The following TMEM209 variants were observed in gnomAD, a reference collection of about 807,000 sequenced individuals.
The protein encoded by TMEM209 is transmembrane protein 209, also known as testicular tissue protein Li 202.
TMEM209 carries 65 observed loss-of-function variants against 76.2 expected under a neutral mutation model. That is an observed-to-expected ratio of 0.85 (90% CI 0.70 to 1.05). TMEM209 has a LOEUF of 1.05. Among genes scored for constraint, TMEM209 ranks in the 50% least tolerant of loss-of-function variants. The pLI, the probability that TMEM209 is intolerant of heterozygous loss-of-function variation, is 0.00. For synonymous variants in TMEM209, 239 were observed against 237.6 expected (o/e 1.01, Z -0.06); for missense variants, 623 against 685.5 (o/e 0.91, Z 1.02).
intron 9 of TMEM209, 119 bp downstream of exon 9, chr7:130,181,504 A>C (rs761817923): frequency 2.1e-5 from 16 of 746,128 alleles, no homozygotes; most frequent in Middle Eastern, 4.7e-4. Context: ...ACTAGATTAT[A>C]GACATTTGGG....
chr7:130,179,235 G>A (rs1173425266), intron 9 of TMEM209, among the ~76,000 whole-genome samples: 1 of 152,036 alleles, frequency 6.6e-6, no homozygotes, highest in Non-Finnish European at 1.5e-5. Flanking sequence ...ACTCAATGTC[G>A]AAGGAATAAA....
chr7:130,168,406 A>AAAATC (rs1159115489), intron 14 of TMEM209, among the ~76,000 whole-genome samples: 1 of 152,182 alleles, frequency 6.6e-6, no homozygotes, highest in African/African-American at 2.4e-5. Flanking sequence ...AAAATCGGAG[A>AAAATC]AAATCAAATC....
Position 130,203,878 on chromosome 7 carries a change from AC to A in TMEM209, c.141-33del, listed in dbSNP as rs762221252. ...AAAAATTAGAAAGGCTTTCCAGTGA[AC>A]CTAAAAACACCAAAAATCAAAAACA... On this transcript the variant is annotated intron_variant, in intron 2 of 14. Coordinates refer to ENST00000397622, the MANE Select transcript of TMEM209 (RefSeq NM_032842.4). The A allele has an allele frequency of 4.4e-6, 7 of 1,589,546 alleles. No individual in the cohort carries two copies. The Admixed American group carries it at 1.3e-4, about 29-fold the overall frequency.
chr7:130,182,615 G>A (rs1366589007), intron 8 of TMEM209, among the ~76,000 whole-genome samples: 1 of 152,148 alleles, frequency 6.6e-6, no homozygotes, highest in African/African-American at 2.4e-5. Flanking sequence ...AACTAATGCT[G>A]GGATGTGAAA....
intron 5 of TMEM209, among the ~76,000 whole-genome samples, chr7:130,196,061 T>C (rs1344103840): frequency 6.6e-6 from 1 of 152,182 alleles, no homozygotes; most frequent in Non-Finnish European, 1.5e-5. Flanking sequence ...TAGAATTAGC[T>C]GTTCATACCC....
chr7:130,171,136 A>G (rs115672690), intron 13 of TMEM209, among the ~76,000 whole-genome samples: 1,686 of 152,262 alleles, frequency 0.011, 41 homozygotes, highest in African/African-American at 0.039. Flanking sequence ...AGCTATTCTG[A>G]GGTTGGTGCC....
At chr7:130,201,808 A>G in intron 5 of TMEM209, 42 bp downstream of exon 5, 1 of 1,609,570 alleles carries the variant, frequency 6.2e-7, no homozygotes, top group Non-Finnish European at 8.5e-7. Flanking sequence ...ATACCTCTCA[A>G]TTCTAAAATA....
intron 7 of TMEM209, 92 bp from the exon 8 acceptor site, chr7:130,184,347 G>A (rs1797522371): frequency 2.0e-6 from 2 of 976,590 alleles, no homozygotes; most frequent in African/African-American, 1.7e-5. Context: ...AATATTTAAT[G>A]AACTTTGAAA....
chr7:130,192,580 A>C, intron 6 of TMEM209, 42 bp downstream of exon 6: 1 of 1,552,916 alleles, frequency 6.4e-7, no homozygotes. Context: ...AAGGATTGAC[A>C]CCAAAAATAT....
At chr7:130,174,083 G>C in intron 11 of TMEM209, 144 bp from the exon 12 acceptor site, 1 of 572,242 alleles carries the variant, frequency 1.7e-6, no homozygotes, top group Non-Finnish European at 3.1e-6. Context: ...GCTGTCAAAT[G>C]GTTAGATTTA....
At chr7:130,183,341 C>T (rs1797487694) in intron 8 of TMEM209, among the ~76,000 whole-genome samples, 1 of 152,244 alleles carries the variant, frequency 6.6e-6, no homozygotes, top group African/African-American at 2.4e-5. Context: ...CTAGGCCCCA[C>T]CCTTATAAAT....
chr7:130,203,861 G>A lies in TMEM209; in HGVS notation c.141-15C>T. ...ATTTTCCAGTCCTGAAAAAAAATTA[G>A]AAAGGCTTTCCAGTGAACCTAAAAA... On this transcript the variant is annotated splice_polypyrimidine_tract_variant and intron_variant, in intron 2 of 14. Coordinates refer to ENST00000397622, the MANE Select transcript of TMEM209 (RefSeq NM_032842.4). 6.3e-7 allele frequency: 1 copy of A among 1,597,266 alleles called. No individual in the cohort carries two copies. The highest frequency in any genetic ancestry group is 8.5e-7 in the Non-Finnish European group (1 of 1,171,510).
chr7:130,198,787 C>A (rs899337357), intron 5 of TMEM209, among the ~76,000 whole-genome samples: 5 of 151,988 alleles, frequency 3.3e-5, no homozygotes, highest in East Asian at 3.8e-4. Flanking sequence ...GTTTTTCAAA[C>A]CTTTATTTTT....
chr7:130,171,051 T>C (rs1469352418), intron 13 of TMEM209, among the ~76,000 whole-genome samples: 3 of 151,296 alleles, frequency 2.0e-5, no homozygotes, highest in Admixed American at 2.0e-4. Context: ...GGTAACATAC[T>C]GGGGGGTGGG....
rs956331411 is a variant in TMEM209 at position 130,181,480 on chromosome 7, T to TA, written c.1120+142dup. On this transcript the variant is annotated intron_variant, in intron 9 of 14. Coordinates refer to ENST00000397622, the MANE Select transcript of TMEM209 (RefSeq NM_032842.4). Reference sequence around the variant, plus strand: ...TTACATCTTGATAAAGCTGTCACGTTAAAAAAAAATCAAACTAGATTATAG... The same window carrying TA: ...TTACATCTTGATAAAGCTGTCACGTTAAAAAAAAAATCAAACTAGATTATAG... 1,861 of 625,470 alleles carry TA rather than the reference T, an allele frequency of 3.0e-3. 1 individual carries two copies. The highest frequency in any genetic ancestry group is 2.9e-3 in the Non-Finnish European group (1,053 of 362,192). 38.7% of individuals were successfully genotyped at this position (625,470 alleles called of 1,614,324 possible).
At chr7:130,202,859 C>T (rs916646968) in intron 3 of TMEM209, among the ~76,000 whole-genome samples, 196 bp from the exon 4 acceptor site, 9 of 151,972 alleles carry the variant, frequency 5.9e-5, no homozygotes, top group Non-Finnish European at 1.0e-4. Flanking sequence ...GAGGCTGAGG[C>T]GAGTGGATCA....
At chr7:130,194,945 C>T (rs1334858960) in intron 5 of TMEM209, among the ~76,000 whole-genome samples, 2 of 152,096 alleles carry the variant, frequency 1.3e-5, no homozygotes, top group Non-Finnish European at 2.9e-5. Context: ...CTCTTCCACA[C>T]AGATTTCTCT....
At chr7:130,176,411 G>A (rs954108835) in intron 10 of TMEM209, among the ~76,000 whole-genome samples, 1 of 151,932 alleles carries the variant, frequency 6.6e-6, no homozygotes, top group Non-Finnish European at 1.5e-5. Context: ...GTGAGCCACC[G>A]TGCCCAGCCC....
chr7:130,200,383 A>C (rs912545574), intron 5 of TMEM209, among the ~76,000 whole-genome samples: 1 of 152,066 alleles, frequency 6.6e-6, no homozygotes, highest in African/African-American at 2.4e-5. Context: ...TAAAACAAAC[A>C]CTCTTCTACA....
Sources: gnomAD v4.1 joint callset for allele counts (sites outside exome capture counted in the v4.1 genomes callset) on GRCh38, gnomAD v4.1.1 for gene constraint, MANE v1.5 for transcripts, NCBI Gene and HGNC (gene_info 2026-07-23, HGNC 2026-07-21) for gene names.